The following SCFD2 variants were observed in gnomAD, a reference collection of about 807,000 sequenced individuals.
The protein encoded by SCFD2 is sec1 family domain containing 2.
SCFD2 carries 54 observed loss-of-function variants against 58.9 expected under a neutral mutation model. That is an observed-to-expected ratio of 0.92 (90% CI 0.74 to 1.15). The LOEUF (loss-of-function observed/expected upper bound fraction) is 1.15, where lower values mean the gene tolerates loss of function less well. Among genes scored for constraint, SCFD2 ranks in the 50% most tolerant of loss-of-function variants. The probability of loss-of-function intolerance (pLI) is 0.00; values close to 1 mark genes in which losing one functional copy is unlikely to be tolerated. For synonymous variants in SCFD2, 321 were observed against 335.9 expected, an observed-to-expected ratio of 0.96 and a Z score of 0.49; for missense variants, 805 against 836.6, an observed-to-expected ratio of 0.96 and a Z score of 0.47.
intron 7 of SCFD2, among the ~76,000 whole-genome samples, chr4:52,894,804 T>G (rs1718961600): frequency 6.6e-6 from 1 of 152,216 alleles, no homozygotes; most frequent in African/African-American, 2.4e-5. Context: ...ATCTAGTGGG[T>G]ATACCTGCTC....
At chr4:53,195,583 T>C (rs2148961864) in intron 4 of SCFD2, among the ~76,000 whole-genome samples, 1 of 152,266 alleles carries the variant, frequency 6.6e-6, no homozygotes, top group Non-Finnish European at 1.5e-5. Flanking sequence ...GCCCCAGTTT[T>C]TAAGGTGCAT....
intron 3 of SCFD2, among the ~76,000 whole-genome samples, chr4:53,290,535 T>C (rs1731806248): frequency 6.6e-6 from 1 of 151,932 alleles, no homozygotes; most frequent in Non-Finnish European, 1.5e-5. Context: ...CCGAAATAAA[T>C]AGCCTAACAT....
At chr4:53,250,762 T>C (rs1328925789) in intron 4 of SCFD2, among the ~76,000 whole-genome samples, 1 of 152,174 alleles carries the variant, frequency 6.6e-6, no homozygotes, top group African/African-American at 2.4e-5. Flanking sequence ...GAGGGAAATA[T>C]ATAGCACTAA....
intron 4 of SCFD2, among the ~76,000 whole-genome samples, chr4:53,204,441 T>C (rs1028117486): frequency 6.7e-6 from 1 of 149,114 alleles, no homozygotes; most frequent in East Asian, 2.0e-4. Flanking sequence ...CACACAAAGA[T>C]TGAAATTAAA....
intron 6 of SCFD2, among the ~76,000 whole-genome samples, chr4:52,910,449 T>C (rs1165773780): frequency 6.6e-6 from 1 of 152,194 alleles, no homozygotes; most frequent in African/African-American, 2.4e-5. Context: ...TATAAAACCT[T>C]GTATGTTTAA....
intron 3 of SCFD2, among the ~76,000 whole-genome samples, chr4:53,300,792 A>C (rs1157662765): frequency 6.6e-5 from 10 of 152,238 alleles, no homozygotes; most frequent in Non-Finnish European, 1.3e-4. Flanking sequence ...AGTATTAAGA[A>C]ACTCACTCAA....
chr4:53,215,041 T>A (rs1337569931), intron 4 of SCFD2, among the ~76,000 whole-genome samples: 1 of 152,134 alleles, frequency 6.6e-6, no homozygotes, highest in East Asian at 1.9e-4. Context: ...TACCACGCTG[T>A]TTTGGTTACT....
chr4:53,251,911 G>T (rs1023052379), intron 4 of SCFD2, among the ~76,000 whole-genome samples: 4 of 151,432 alleles, frequency 2.6e-5, no homozygotes, highest in African/African-American at 4.9e-5. Flanking sequence ...AGGAAATAAA[G>T]GGTATTCAAT....
At chr4:53,095,856 G>A (rs1430472539) in intron 5 of SCFD2, among the ~76,000 whole-genome samples, 3 of 145,780 alleles carry the variant, frequency 2.1e-5, no homozygotes, top group African/African-American at 7.4e-5. Flanking sequence ...ATATCCTAAT[G>A]CTATCCCTCC....
At chr4:53,077,910 G>T (rs763679572) in intron 5 of SCFD2, among the ~76,000 whole-genome samples, 2 of 152,026 alleles carry the variant, frequency 1.3e-5, no homozygotes, top group African/African-American at 4.8e-5. Flanking sequence ...ACTTTTCTTG[G>T]TGATAAACTG....
chr4:52,947,201 A>G (rs899064921), intron 5 of SCFD2, among the ~76,000 whole-genome samples: 24 of 152,220 alleles, frequency 1.6e-4, no homozygotes, highest in African/African-American at 5.5e-4. Flanking sequence ...ATCTGTCATG[A>G]TGAACTCAAG....
At chr4:53,111,571 A>G (rs1725173783) in intron 5 of SCFD2, among the ~76,000 whole-genome samples, 2 of 152,160 alleles carry the variant, frequency 1.3e-5, no homozygotes, top group Non-Finnish European at 2.9e-5. Context: ...TGGATCACAC[A>G]TTCCTGGAAA....
chr4:53,261,543 T>C (rs1172863814), intron 4 of SCFD2, among the ~76,000 whole-genome samples: 1 of 152,220 alleles, frequency 6.6e-6, no homozygotes, highest in Non-Finnish European at 1.5e-5. Context: ...AGGGTTCCTT[T>C]TGGAGTTGAC....
rs13141943 is a variant in SCFD2 at position 53,317,630 on chromosome 4, T to G, written c.1008-3867A>C. On this transcript the variant is annotated intron_variant, in intron 2 of 8. Coordinates refer to ENST00000401642, the MANE Select transcript of SCFD2 (RefSeq NM_152540.4). The stretch of plus-strand genomic sequence containing the variant: ...ACTTTCTGTTTTCCTACTGGGGAAA[T>G]AAGCAATACAGAGAGGACTATATGC... Among the ~76,000 whole-genome samples the G allele has an allele frequency of 4.0e-3, 611 of 152,324 alleles. 2 individuals are homozygous for G. The highest frequency in any genetic ancestry group is 6.1e-3 in the Non-Finnish European group (413 of 68,022).
At chr4:53,045,692 C>CATAG (rs796301726) in intron 5 of SCFD2, among the ~76,000 whole-genome samples, 2 of 151,830 alleles carry the variant, frequency 1.3e-5, no homozygotes, top group African/African-American at 4.8e-5. Flanking sequence ...TAACTCTTGG[C>CATAG]ATAGATAGAT....
intron 4 of SCFD2, among the ~76,000 whole-genome samples, chr4:53,196,674 T>C (rs1300233681): frequency 6.6e-6 from 1 of 152,094 alleles, no homozygotes; most frequent in African/African-American, 2.4e-5. Context: ...ATTTGTTTTT[T>C]AATGTCAGAA....
At chr4:53,333,382 G>C (rs1733561940) in intron 2 of SCFD2, among the ~76,000 whole-genome samples, 1 of 137,804 alleles carries the variant, frequency 7.3e-6, no homozygotes, top group Non-Finnish European at 1.6e-5. Flanking sequence ...AAACAGCATG[G>C]TACTGGTACC....
intron 1 of SCFD2, among the ~76,000 whole-genome samples, chr4:53,364,886 T>A (rs1734648343): frequency 6.6e-6 from 1 of 152,244 alleles, no homozygotes; most frequent in African/African-American, 2.4e-5. Context: ...TTTCTACCCA[T>A]TACAGCATTT....
chr4:53,145,277 A>C, intron 5 of SCFD2, 56 bp downstream of exon 5: 2 of 1,586,408 alleles, frequency 1.3e-6, no homozygotes, highest in Non-Finnish European at 1.7e-6. Flanking sequence ...ATTTATTTTG[A>C]AACCTGTTTC....
Sources: allele counts gnomAD v4.1 joint callset (sites outside exome capture counted in the v4.1 genomes callset), GRCh38; gene constraint gnomAD v4.1.1; transcripts MANE v1.5; gene names NCBI Gene and HGNC (gene_info 2026-07-23, HGNC 2026-07-21).